The following COL21A1 variants were observed in gnomAD, a reference collection of about 807,000 sequenced individuals.
COL21A1 encodes the protein collagen alpha-1(XXI) chain.
Under a neutral mutation model 137.9 loss-of-function variants are expected in COL21A1, and 149 were observed. The observed-to-expected ratio is 1.08, with a 90% CI of 0.95 to 1.24. The LOEUF (loss-of-function observed/expected upper bound fraction) is 1.24. COL21A1 is among the 50% of genes most tolerant of loss of function. COL21A1 has a pLI of 0.00. For missense variants in COL21A1, 1,167 were observed against 1,158.4 expected (o/e 1.01, Z -0.11); for synonymous variants, 456 against 391.5 (o/e 1.16, Z -1.95).
At chr6:56,126,069 T>TA in intron 13 of COL21A1, 27 bp downstream of exon 13, 1 of 1,457,186 alleles carries the variant, frequency 6.9e-7, no homozygotes, top group Non-Finnish European at 9.3e-7. Context: ...GGCTTTGCTA[T>TA]ATTTAAAAGA....
chr6:56,284,450 T>C (rs548274012), intron 1 of COL21A1, among the ~76,000 whole-genome samples: 2 of 152,326 alleles, frequency 1.3e-5, no homozygotes, highest in East Asian at 3.9e-4. Context: ...TAGTTGTTTT[T>C]TTCTGTCATC....
intron 1 of COL21A1, among the ~76,000 whole-genome samples, chr6:56,188,839 C>A (rs2152288162): frequency 6.6e-6 from 1 of 152,292 alleles, no homozygotes; most frequent in South Asian, 2.1e-4. Flanking sequence ...CCCAGGCAAA[C>A]AGGATGTGGA....
chr6:56,185,687 G>A (rs551065681), intron 1 of COL21A1, among the ~76,000 whole-genome samples: 1 of 151,786 alleles, frequency 6.6e-6, no homozygotes, highest in African/African-American at 2.4e-5. Context: ...CACCCGCCTC[G>A]GCCTCCCAAA....
intron 1 of COL21A1, among the ~76,000 whole-genome samples, chr6:56,389,074 C>T (rs1234668329): frequency 1.3e-5 from 2 of 152,054 alleles, no homozygotes; most frequent in Admixed American, 1.3e-4. Flanking sequence ...TAAAAATATG[C>T]AAAGGAGGCT....
intron 1 of COL21A1, among the ~76,000 whole-genome samples, chr6:56,197,935 G>A (rs76222979): frequency 3.3e-5 from 5 of 152,110 alleles, no homozygotes; most frequent in African/African-American, 9.6e-5. Context: ...TACAGTAGCC[G>A]AGATATGGAA....
At chr6:56,124,162 T>G in intron 15 of COL21A1, 47 bp from the exon 16 acceptor site, 1 of 1,533,958 alleles carries the variant, frequency 6.5e-7, no homozygotes. Flanking sequence ...CACTAATTTT[T>G]TCTCTTTAAA....
At chr6:56,329,006 G>A (rs1765162668) in intron 1 of COL21A1, among the ~76,000 whole-genome samples, 1 of 152,054 alleles carries the variant, frequency 6.6e-6, no homozygotes, top group South Asian at 2.1e-4. Flanking sequence ...AACAAGCCTG[G>A]ATTCAAATCC....
chr6:56,088,882 G>C (rs1010314171), intron 17 of COL21A1, among the ~76,000 whole-genome samples: 1 of 152,070 alleles, frequency 6.6e-6, no homozygotes, highest in African/African-American at 2.4e-5. Context: ...GACCTCCCAG[G>C]CTCAGGTGAT....
intron 12 of COL21A1, among the ~76,000 whole-genome samples, chr6:56,129,036 T>C (rs987006532): frequency 6.6e-6 from 1 of 152,164 alleles, no homozygotes; most frequent in Non-Finnish European, 1.5e-5. Flanking sequence ...CTCCAGAAAA[T>C]AAACTTTCGT....
At chr6:56,092,238 C>T (rs935452442) in intron 17 of COL21A1, among the ~76,000 whole-genome samples, 3 of 151,762 alleles carry the variant, frequency 2.0e-5, no homozygotes, top group Admixed American at 2.0e-4. Flanking sequence ...CATGGGAGAA[C>T]ATAAAATAAA....
intron 16 of COL21A1, among the ~76,000 whole-genome samples, chr6:56,113,674 C>A (rs1771646706): frequency 1.3e-5 from 2 of 152,180 alleles, no homozygotes. Flanking sequence ...CTGCTTGAGA[C>A]AAGCAAAGGG....
intron 1 of COL21A1, among the ~76,000 whole-genome samples, chr6:56,185,491 A>T (rs1490727234): frequency 1.6e-5 from 2 of 125,176 alleles, no homozygotes; most frequent in African/African-American, 6.1e-5. Context: ...TGCGGACTGC[A>T]GTGGCGCAAT....
chr6:56,309,983 G>A (rs961671461), intron 1 of COL21A1, among the ~76,000 whole-genome samples: 1 of 152,156 alleles, frequency 6.6e-6, no homozygotes, highest in African/African-American at 2.4e-5. Flanking sequence ...ATAATTCAGT[G>A]GTGAATTTTT....
chr6:56,078,451 A>C (rs1260934079), intron 17 of COL21A1, among the ~76,000 whole-genome samples: 3 of 151,648 alleles, frequency 2.0e-5, no homozygotes, highest in Admixed American at 1.3e-4. Context: ...AAAGACAAGA[A>C]AATTGGGTCA....
At chr6:56,101,142 T>A (rs537247037) in intron 17 of COL21A1, among the ~76,000 whole-genome samples, 1 of 152,146 alleles carries the variant, frequency 6.6e-6, no homozygotes, top group African/African-American at 2.4e-5. Context: ...TCCCAAAGAG[T>A]ATACTATGAA....
chr6:56,334,048 G>A (rs1161714924), intron 1 of COL21A1, among the ~76,000 whole-genome samples: 1 of 152,178 alleles, frequency 6.6e-6, no homozygotes, highest in Non-Finnish European at 1.5e-5. Flanking sequence ...TGGAGTTTCA[G>A]TAAAGAGTCA....
chr6:56,166,103 A>G (rs1053545131), intron 7 of COL21A1, among the ~76,000 whole-genome samples: 1 of 152,144 alleles, frequency 6.6e-6, no homozygotes, highest in Non-Finnish European at 1.5e-5. Context: ...TCATTATTTC[A>G]CTGACACTTT....
intron 1 of COL21A1, among the ~76,000 whole-genome samples, chr6:56,391,958 C>T (rs2094030468): frequency 6.6e-6 from 1 of 152,104 alleles, no homozygotes. Context: ...TAATCCTACT[C>T]AAACTATTCC....
chr6:56,276,021 C>T (rs1031806379), intron 1 of COL21A1, among the ~76,000 whole-genome samples: 1 of 152,186 alleles, frequency 6.6e-6, no homozygotes, highest in East Asian at 1.9e-4. Flanking sequence ...TATATACACA[C>T]CACAGAATCC....
Sources: gnomAD v4.1 joint callset for allele counts (sites outside exome capture counted in the v4.1 genomes callset) on GRCh38, gnomAD v4.1.1 for gene constraint, MANE v1.5 for transcripts, NCBI Gene and HGNC (gene_info 2026-07-23, HGNC 2026-07-21) for gene names.